Variants in AKAP9 observed in about 807,000 individuals in gnomAD.
The protein encoded by AKAP9 is A-kinase anchor protein 9.
Under a neutral mutation model 488.5 loss-of-function variants are expected in AKAP9, and 311 were observed. That is an observed-to-expected ratio of 0.64 (90% CI 0.58 to 0.70). The LOEUF is 0.70. AKAP9 is among the 30% of genes least tolerant of loss of function. The pLI, the probability that AKAP9 is intolerant of heterozygous loss-of-function variation, is 0.00. For synonymous variants in AKAP9, 1,462 were observed against 1,483.5 expected, an observed-to-expected ratio of 0.99 and a Z score of 0.33; for missense variants, 4,215 against 4,374.5, an observed-to-expected ratio of 0.96 and a Z score of 1.03.
In AKAP9 at chr7:91,993,011, C is replaced by T. The variant is rs1638640571; in HGVS notation, c.532C>T (p.Leu178=). The T allele has an allele frequency of 6.2e-7, 1 of 1,613,848 alleles. No homozygotes were observed. The highest frequency in any genetic ancestry group is 1.3e-5 in the African/African-American group (1 of 74,874). The part of the protein sequence containing the change: ...QHEIEELNRE[L]EEMRVTYGTE... ...TGAGATTGAAGAGCTAAACAGAGAG[C>T]TGGAAGAAATGAGGGTTACCTATGG... The change falls in exon 5 of 50, where the codon CTG becomes TTG. Residue 178 remains leucine, a synonymous_variant. Transcript: ENST00000356239.
At chr7:92,011,180 G>C (rs1271906047) in intron 8 of AKAP9, among the ~76,000 whole-genome samples, 4 of 152,080 alleles carry the variant, frequency 2.6e-5, no homozygotes, top group Admixed American at 2.6e-4. Flanking sequence ...TTAAAATCCA[G>C]TATAGAATCA....
chr7:92,042,605 G>A (rs1806302109), intron 19 of AKAP9, 63 bp from the exon 20 acceptor site: 3 of 1,182,746 alleles, frequency 2.5e-6, no homozygotes, highest in South Asian at 2.5e-5. Context: ...ATGACATGCT[G>A]TTTCCAAGTT....
chr7:91,964,988 T>C (rs758629320), intron 1 of AKAP9, among the ~76,000 whole-genome samples: 12 of 152,186 alleles, frequency 7.9e-5, no homozygotes, highest in Non-Finnish European at 1.3e-4. Context: ...ATCAAATCAG[T>C]GTAATTGGGA....
intron 25 of AKAP9, among the ~76,000 whole-genome samples, 175 bp from the exon 26 acceptor site, chr7:92,066,252 G>A (rs1410860128): frequency 6.6e-6 from 1 of 151,952 alleles, no homozygotes; most frequent in Non-Finnish European, 1.5e-5. Flanking sequence ...TAGGCTATAT[G>A]GCATATAAAA....
intron 33 of AKAP9, among the ~76,000 whole-genome samples, chr7:92,083,970 C>T (rs753851366): frequency 6.6e-6 from 1 of 152,120 alleles, no homozygotes. Context: ...AAAGCTGTCC[C>T]TCCCCTAGCA....
chr7:92,106,739 A>G (rs913413290), intron 47 of AKAP9, among the ~76,000 whole-genome samples: 1 of 152,208 alleles, frequency 6.6e-6, no homozygotes, highest in African/African-American at 2.4e-5. Flanking sequence ...CTGTGTATTC[A>G]TAGTAAACCA....
chr7:92,002,130 AG>A lies in AKAP9; in HGVS notation c.2216del (p.Gly739ValfsTer17). ...IEILRQEEKE[K>X]GTLEQEVQEL... ...ATACTCAGACAAGAAGAAAAAGAAA[AG>A]GGTACACTTGAACAAGAAGTTCAAG... is the stretch of plus-strand genomic sequence containing the variant. On this transcript the variant is annotated frameshift_variant, in exon 8 of 50. Transcript: ENST00000356239. LOFTEE classifies it high-confidence loss of function. The A allele has an allele frequency of 6.3e-7, 1 of 1,591,960 alleles. No homozygotes were observed. The highest frequency in any genetic ancestry group is 8.5e-7 in the Non-Finnish European group (1 of 1,173,550).
chr7:92,039,710 C>T (rs1415889161), intron 17 of AKAP9, among the ~76,000 whole-genome samples: 3 of 152,148 alleles, frequency 2.0e-5, no homozygotes, highest in Non-Finnish European at 2.9e-5. Context: ...TGTGGTGGCT[C>T]ATGCCTGTAA....
Position 92,110,291 on chromosome 7 carries a change from C to A in AKAP9, c.*132C>A, listed in dbSNP as rs10399. The stretch of plus-strand genomic sequence containing the variant: ...ACACAGCTTATGATTGTATACAAAT[C>A]CCTTGCCAGCACATGAAAACAAACT... On this transcript the variant is annotated 3_prime_UTR_variant, in exon 50 of 50. Coordinates refer to ENST00000356239, the MANE Select transcript of AKAP9 (RefSeq NM_005751.5). The A allele has an allele frequency of 1.4e-6, 1 of 736,530 alleles. No individual in the cohort carries two copies. Among genetic ancestry groups the A allele is most frequent in the Non-Finnish European group, 2.3e-6 (1 of 435,892 alleles). The allele number at this position is 736,530 out of a possible 1,614,324, so 45.6% of individuals were successfully genotyped here.
intron 5 of AKAP9, 144 bp downstream of exon 5, chr7:91,993,199 T>C: frequency 2.3e-6 from 2 of 882,058 alleles, no homozygotes; most frequent in Non-Finnish European, 3.4e-6. Context: ...TTCTTCTTTT[T>C]TTTTTTCCAT....
intron 21 of AKAP9, among the ~76,000 whole-genome samples, chr7:92,049,452 A>T (rs1006639635): frequency 6.6e-6 from 1 of 152,016 alleles, no homozygotes; most frequent in African/African-American, 2.4e-5. Context: ...TCTACTAAAA[A>T]TACAAAAAAT....
In AKAP9 at chr7:92,110,600, T is replaced by C. The variant is rs1180525975; in HGVS notation, c.*441T>C. The C allele has an allele frequency of 2.3e-5, 5 of 215,538 alleles. No individual in the cohort carries two copies. The highest frequency in any genetic ancestry group is 1.1e-4 in the African/African-American group (5 of 44,182). The allele number at this position is 215,538 out of a possible 1,614,324, so 13.4% of individuals were successfully genotyped here. On this transcript the variant is annotated 3_prime_UTR_variant, in exon 50 of 50. Coordinates refer to ENST00000356239, the MANE Select transcript of AKAP9 (RefSeq NM_005751.5). Reference sequence around the variant, plus strand: ...CTTGTAGAGACCTATTTTTGTATAATGGTAGAAGTTTTGAATTTTATGGGG... The same window carrying C: ...CTTGTAGAGACCTATTTTTGTATAACGGTAGAAGTTTTGAATTTTATGGGG...
At chr7:91,944,474 C>A (rs10953062) in intron 1 of AKAP9, among the ~76,000 whole-genome samples, 18,301 of 151,794 alleles carry the variant, frequency 0.12, 1,254 homozygotes, top group East Asian at 0.37. Context: ...GCAGCCTCCA[C>A]CTCCCAGGTT....
At chr7:92,070,853 A>T (rs2130843696) in intron 27 of AKAP9, 52 bp from the exon 28 acceptor site, 2 of 1,234,236 alleles carry the variant, frequency 1.6e-6, no homozygotes, top group African/African-American at 1.5e-5. Context: ...AAAAAACTGG[A>T]TAATCAGGAT....
intron 8 of AKAP9, 117 bp from the exon 9 acceptor site, chr7:92,012,312 G>A (rs1487443562): frequency 2.2e-6 from 2 of 900,096 alleles, no homozygotes; most frequent in Non-Finnish European, 3.4e-6. Flanking sequence ...AAAAAAATTA[G>A]ACTTCAGTTC....
At chr7:92,072,009 T>A (rs1246303446) in intron 28 of AKAP9, among the ~76,000 whole-genome samples, 1 of 152,140 alleles carries the variant, frequency 6.6e-6, no homozygotes, top group Non-Finnish European at 1.5e-5. Context: ...TTTGTTTATA[T>A]GTAACTATTT....
chr7:92,019,115 TCAA>T (rs1801959474), intron 12 of AKAP9, among the ~76,000 whole-genome samples: 1 of 151,908 alleles, frequency 6.6e-6, no homozygotes, highest in South Asian at 2.1e-4. Flanking sequence ...AGTTATACAG[TCAA>T]CAATTTTTAT....
In AKAP9 at chr7:91,972,657, G is replaced by A. The variant is rs183227459; in HGVS notation, c.49-1054G>A. On this transcript the variant is annotated intron_variant, in intron 1 of 49. Transcript: ENST00000356239. ...CTTTTGGTTTTCTGTTAGGGGAAGCGAAGGCAACTTGCTTCTGTGCCACCA... is the reference window on the plus strand; with the variant it reads ...CTTTTGGTTTTCTGTTAGGGGAAGCAAAGGCAACTTGCTTCTGTGCCACCA... Among the ~76,000 whole-genome samples the A allele has an allele frequency of 2.2e-4, 33 of 152,280 alleles. 1 individual carries two copies. In the East Asian group the frequency reaches 5.0e-3, roughly 23 times the overall value.
In AKAP9 at chr7:92,045,004, A is replaced by G; in HGVS notation, c.5163-4A>G. The stretch of plus-strand genomic sequence containing the variant: ...TTTTAATCAGTGCTTCTTTATCTAT[A>G]CAGGTATGCACTCCAGAAAGCTAAT... On this transcript the variant is annotated splice_polypyrimidine_tract_variant and splice_region_variant and intron_variant, in intron 20 of 49. Transcript: ENST00000356239. The G allele has an allele frequency of 6.3e-7, 1 of 1,599,864 alleles. No individual in the cohort carries two copies. Among genetic ancestry groups the G allele is most frequent in the African/African-American group, 1.3e-5 (1 of 74,714 alleles).
Sources: allele counts gnomAD v4.1 joint callset (sites outside exome capture counted in the v4.1 genomes callset), GRCh38; gene constraint gnomAD v4.1.1; transcripts MANE v1.5; gene names NCBI Gene and HGNC (gene_info 2026-07-23, HGNC 2026-07-21).